Variants in HIF1AN observed in about 807,000 individuals in gnomAD.
HIF1AN encodes the protein hypoxia-inducible factor 1-alpha inhibitor.
HIF1AN carries 21 observed loss-of-function variants against 47.7 expected under a neutral mutation model. The observed-to-expected ratio is 0.44, with a 90% confidence interval of 0.31 to 0.63. The LOEUF (loss-of-function observed/expected upper bound fraction) is 0.63. Ranked by LOEUF, HIF1AN falls within the 30% of genes least tolerant of loss-of-function variation. The pLI is 0.07. For missense variants in HIF1AN, 320 were observed against 432.7 expected (o/e 0.74, Z 2.31); for synonymous variants, 152 against 155.9 (o/e 0.98, Z 0.18).
Position 100,559,565 on chromosome 10 carries a change from C to G in HIF1AN, c.*11428C>G, listed in dbSNP as rs762108730. ...TCCCATGTAGCTGGGATCACAGGCA[C>G]ATGCCACCACACCTGGCTAATTTTT... On this transcript the variant is annotated 3_prime_UTR_variant, in exon 8 of 8. Coordinates refer to ENST00000299163, the MANE Select transcript of HIF1AN (RefSeq NM_017902.3). 6.6e-6 allele frequency: 1 copy of G among 152,024 alleles called. No homozygotes were observed. Among genetic ancestry groups the G allele is most frequent in the Non-Finnish European group, 1.5e-5 (1 of 68,016 alleles). The allele number at this position is 152,024 out of a possible 1,614,324, so 9.4% of individuals were successfully genotyped here.
chr10:100,544,630 C>T (rs1843077301), intron 3 of HIF1AN, among the ~76,000 whole-genome samples: 1 of 152,228 alleles, frequency 6.6e-6, no homozygotes, highest in African/African-American at 2.4e-5. Flanking sequence ...ACGGTGTACA[C>T]AGTTGATTAC....
In HIF1AN at chr10:100,548,420, G is replaced by A; in HGVS notation, c.*283G>A. ...GTGTGTGGAGTCCCAGCTTTTGGTT[G>A]TCATCATGTCTGTGTGTATGTTAGT... On this transcript the variant is annotated 3_prime_UTR_variant, in exon 8 of 8. Transcript: ENST00000299163. 2.4e-6 allele frequency: 1 copy of A among 412,752 alleles called. No individual in the cohort carries two copies. Among genetic ancestry groups the A allele is most frequent in the Non-Finnish European group, 4.3e-6 (1 of 230,596 alleles). The allele number at this position is 412,752 out of a possible 1,614,324, so 25.6% of individuals were successfully genotyped here.
chr10:100,549,399 C>T lies in HIF1AN; in HGVS notation c.*1262C>T, dbSNP rs1420513836. 6.6e-6 allele frequency: 1 copy of T among 152,292 alleles called. No individual in the cohort carries two copies. Among genetic ancestry groups the T allele is most frequent in the Non-Finnish European group, 1.5e-5 (1 of 68,116 alleles). 9.4% of individuals were successfully genotyped at this position (152,292 alleles called of 1,614,324 possible). A position where few individuals can be genotyped will look rare whatever the true frequency, so the allele number is the denominator to read the frequency against. ...AGGCAGCTCATTCACTACCTGTGAT[C>T]CACCTCAGGGCACGGGCAAACACAT... On this transcript the variant is annotated 3_prime_UTR_variant, in exon 8 of 8. Transcript: ENST00000299163.
chr10:100,541,975 A>G (rs548946818), intron 3 of HIF1AN, among the ~76,000 whole-genome samples: 83 of 152,340 alleles, frequency 5.4e-4, no homozygotes, highest in African/African-American at 1.9e-3. Context: ...ATTATAGTCA[A>G]TTCTAACACA....
chr10:100,538,316 A>G (rs1852253697), intron 2 of HIF1AN, among the ~76,000 whole-genome samples: 1 of 152,190 alleles, frequency 6.6e-6, no homozygotes, highest in Non-Finnish European at 1.5e-5. Flanking sequence ...TGTGGCGACT[A>G]TGGGGTGAAA....
At chr10:100,547,700 G>T (rs944912422) in intron 7 of HIF1AN, among the ~76,000 whole-genome samples, 3 of 152,188 alleles carry the variant, frequency 2.0e-5, no homozygotes, top group African/African-American at 7.2e-5. Flanking sequence ...ACAGACACCT[G>T]TGGTGTTGGG....
In HIF1AN at chr10:100,552,900, G is replaced by A. The variant is rs1843177811; in HGVS notation, c.*4763G>A. 1 of 152,142 alleles carries A rather than the reference G, an allele frequency of 6.6e-6. No homozygotes were observed. Among genetic ancestry groups the A allele is most frequent in the African/African-American group, 2.4e-5 (1 of 41,330 alleles). The allele number at this position is 152,142 out of a possible 1,614,324, so 9.4% of individuals were successfully genotyped here. ...TCCTGGTTCAGCTTGTCTCACTGTGGTAGCCCCTTCTGCTTGTCTTCAGCC... is the reference window on the plus strand; with the variant it reads ...TCCTGGTTCAGCTTGTCTCACTGTGATAGCCCCTTCTGCTTGTCTTCAGCC... On this transcript the variant is annotated 3_prime_UTR_variant, in exon 8 of 8. Coordinates refer to ENST00000299163, the MANE Select transcript of HIF1AN (RefSeq NM_017902.3).
At position 100,542,793 on chromosome 10, in the gene HIF1AN, C is replaced by A. The variant is rs117407800; in HGVS notation, c.577+2011C>A. Among the ~76,000 whole-genome samples, 970 of 147,416 alleles carry A rather than the reference C, an allele frequency of 6.6e-3. 3 individuals carry two copies. Among genetic ancestry groups the A allele is most frequent in the Non-Finnish European group, 9.7e-3 (650 of 67,206 alleles). The stretch of plus-strand genomic sequence containing the variant: ...TGGAGGTACTGCATATTATTAGTTG[C>A]TTGTGTTTTCTGCTAGAGAAATTTA... On this transcript the variant is annotated intron_variant, in intron 3 of 7. Transcript: ENST00000299163.
At chr10:100,545,121 G>T in intron 4 of HIF1AN, 25 bp downstream of exon 4, 1 of 1,606,500 alleles carries the variant, frequency 6.2e-7, no homozygotes, top group South Asian at 1.1e-5. Context: ...TCTGAGAAGG[G>T]TATAGAACTC....
At chr10:100,546,631 G>A (rs778511500) in intron 6 of HIF1AN, 50 bp downstream of exon 6, 3 of 1,346,900 alleles carry the variant, frequency 2.2e-6, no homozygotes, top group South Asian at 2.3e-5. Flanking sequence ...CTGGCTCTTG[G>A]GTGAGGTAGG....
Position 100,548,118 on chromosome 10 carries a change from T to A in HIF1AN, c.1031T>A (p.Ile344Asn), listed in dbSNP as rs1356739872. 1.2e-6 allele frequency: 2 copies of A among 1,612,732 alleles called. No individual in the cohort carries two copies. Among genetic ancestry groups the A allele is most frequent in the Admixed American group, 1.7e-5 (1 of 59,822 alleles). ...QEVGPLLNTM[I>N]KGRYN ...GTGGGGCCCTTGTTGAACACAATGA[T>A]CAAGGGCCGATACAACTAGCCTGCC... The change falls in exon 8 of 8, where the codon ATC becomes AAC. Residue 344 changes from isoleucine (I) to asparagine (N), a missense_variant. This residue lies in a region of HIF1AN where 161 missense variants were observed against 272.8 expected (regional missense o/e 0.59). Transcript: ENST00000299163.
chr10:100,548,195 T>C lies in HIF1AN; in HGVS notation c.*58T>C. On this transcript the variant is annotated 3_prime_UTR_variant, in exon 8 of 8. Transcript: ENST00000299163. ...CTGCTATCCCGTCCACACCGCTTCATTGATGAGGACAGGAGACTCCAAGCG... is the reference window on the plus strand; with the variant it reads ...CTGCTATCCCGTCCACACCGCTTCACTGATGAGGACAGGAGACTCCAAGCG... 1 of 1,456,866 alleles carries C rather than the reference T, an allele frequency of 6.9e-7. No individual in the cohort carries two copies. The highest frequency in any genetic ancestry group is 1.8e-4 in the Middle Eastern group (1 of 5,590). The allele number at this position is 1,456,866 out of a possible 1,614,324, so 90.2% of individuals were successfully genotyped here.
intron 2 of HIF1AN, among the ~76,000 whole-genome samples, chr10:100,538,198 A>G (rs2133721331): frequency 6.6e-6 from 1 of 152,326 alleles, no homozygotes; most frequent in South Asian, 2.1e-4. Context: ...GGGTGATTAA[A>G]GAGTTTTCAA....
At position 100,557,074 on chromosome 10, in the gene HIF1AN, T is replaced by TG. The variant is rs1274867050; in HGVS notation, c.*8940dup. On this transcript the variant is annotated 3_prime_UTR_variant, in exon 8 of 8. Transcript: ENST00000299163. ...AAGGGACTGAAAGTCCATGAAGTGCTGGGCTGGGGACAGAAAGGGTTTAAT... is the reference window on the plus strand; with the variant it reads ...AAGGGACTGAAAGTCCATGAAGTGCTGGGGCTGGGGACAGAAAGGGTTTAAT... 1 of 152,246 alleles carries TG rather than the reference T, an allele frequency of 6.6e-6. No individual in the cohort carries two copies. The highest frequency in any genetic ancestry group is 1.5e-5 in the Non-Finnish European group (1 of 68,066). 9.4% of individuals were successfully genotyped at this position (152,246 alleles called of 1,614,324 possible). A position where few individuals can be genotyped will look rare whatever the true frequency, so the allele number is the denominator to read the frequency against.
At position 100,555,217 on chromosome 10, in the gene HIF1AN, A is replaced by G. The variant is rs1440567785; in HGVS notation, c.*7080A>G. 6.6e-6 allele frequency: 1 copy of G among 152,248 alleles called. No individual in the cohort carries two copies. The highest frequency in any genetic ancestry group is 1.5e-5 in the Non-Finnish European group (1 of 68,044). The allele number at this position is 152,248 out of a possible 1,614,324, so 9.4% of individuals were successfully genotyped here. A position where few individuals can be genotyped will look rare whatever the true frequency, so the allele number is the denominator to read the frequency against. On this transcript the variant is annotated 3_prime_UTR_variant, in exon 8 of 8. Coordinates refer to ENST00000299163, the MANE Select transcript of HIF1AN (RefSeq NM_017902.3). The stretch of plus-strand genomic sequence containing the variant: ...CGTACCTTACTCCAGGGAATGGGTG[A>G]GACAGTAGATCCCAAGAAGAAAACC...
chr10:100,536,790 A>G, intron 2 of HIF1AN, 129 bp downstream of exon 2: 1 of 1,033,010 alleles, frequency 9.7e-7, no homozygotes, highest in Non-Finnish European at 1.4e-6. Context: ...TTCCAGTTGA[A>G]GGAGTAGTCT....
At position 100,551,260 on chromosome 10, in the gene HIF1AN, C is replaced by T. The variant is rs531236442; in HGVS notation, c.*3123C>T. 3 of 152,274 alleles carry T rather than the reference C, an allele frequency of 2.0e-5. No homozygotes were observed. Among genetic ancestry groups the T allele is most frequent in the East Asian group, 1.9e-4 (1 of 5,168 alleles). The allele number at this position is 152,274 out of a possible 1,614,324, so 9.4% of individuals were successfully genotyped here. ...ACCAACGTGAACAGTTGGGGGAAGT[C>T]GTCTGCTCTCATTTGCGTAATGGTT... On this transcript the variant is annotated 3_prime_UTR_variant, in exon 8 of 8. Coordinates refer to ENST00000299163, the MANE Select transcript of HIF1AN (RefSeq NM_017902.3).
intron 2 of HIF1AN, 144 bp from the exon 3 acceptor site, chr10:100,540,490 A>G: frequency 6.4e-6 from 5 of 777,036 alleles, no homozygotes; most frequent in East Asian, 2.6e-5. Context: ...ATGAGAATCC[A>G]TGTTGGCTAA....
At chr10:100,545,157 A>T in intron 4 of HIF1AN, 61 bp downstream of exon 4, 1 of 1,557,644 alleles carries the variant, frequency 6.4e-7, no homozygotes. Context: ...CCTAGGCTGG[A>T]ATGTCTTTCC....
Sources: gnomAD v4.1 joint callset for allele counts (sites outside exome capture counted in the v4.1 genomes callset) on GRCh38, gnomAD v4.1.1 for gene constraint, gnomAD v4.1.1 regional missense constraint, MANE v1.5 for transcripts, NCBI Gene and HGNC (gene_info 2026-07-23, HGNC 2026-07-21) for gene names.